PEX1: variants seen among roughly 807,000 people sequenced by gnomAD.
PEX1 encodes peroxisomal biogenesis factor 1, also known as peroxisomal ATPase PEX1.
Under a neutral mutation model 152.5 loss-of-function variants are expected in PEX1, and 97 were observed. The ratio of observed to expected loss-of-function variants is 0.64; its 90% confidence interval spans 0.54 to 0.75. The LOEUF is 0.75. Ranked by LOEUF, PEX1 falls within the 30% of genes least tolerant of loss-of-function variation. PEX1 has a pLI of 0.00. For missense variants in PEX1, 1,357 were observed against 1,516.3 expected (o/e 0.89, Z 1.74); for synonymous variants, 485 against 531.6 (o/e 0.91, Z 1.21).
intron 17 of PEX1, among the ~76,000 whole-genome samples, 171 bp downstream of exon 17, chr7:92,496,542 A>G (rs1357130852): frequency 1.3e-5 from 2 of 152,218 alleles, no homozygotes; most frequent in East Asian, 3.8e-4. Context: ...AATATCTAAA[A>G]TGTTTTGTAT....
chr7:92,527,013 T>C (rs2116289584), intron 1 of PEX1, among the ~76,000 whole-genome samples: 1 of 152,320 alleles, frequency 6.6e-6, no homozygotes, highest in African/African-American at 2.4e-5. Context: ...ACTTATTACA[T>C]TGATAATTAG....
intron 15 of PEX1, among the ~76,000 whole-genome samples, chr7:92,500,888 G>A (rs1394623031): frequency 6.6e-6 from 1 of 152,086 alleles, no homozygotes; most frequent in African/African-American, 2.4e-5. Flanking sequence ...TGACATCCCG[G>A]GTCTGGAAAT....
intron 23 of PEX1, among the ~76,000 whole-genome samples, chr7:92,488,703 CCTT>C (rs1442360176): frequency 1.3e-5 from 2 of 151,598 alleles, no homozygotes; most frequent in African/African-American, 2.4e-5. Context: ...TTTTAATTTT[CCTT>C]CTTATTTCTT....
rs574785174 is a variant in PEX1 at position 92,489,733 on chromosome 7, C to A, written c.3617G>T (p.Arg1206Ile). ...LRADISIIKGRYRSQSGEDES... is the reference protein window; with the variant it reads ...LRADISIIKGIYRSQSGEDES... ...CCATACTCCACTTTGGCTCCGGTAT[C>A]TGCCTTTGATAATACTGATATCTGC... is the stretch of plus-strand genomic sequence containing the variant. The change falls in exon 22 of 24, where the codon AGA becomes ATA. Residue 1206 changes from arginine to isoleucine, a missense_variant. Transcript: ENST00000248633. The A allele has an allele frequency of 1.2e-6, 2 of 1,614,072 alleles. No homozygotes were observed. Among genetic ancestry groups the A allele is most frequent in the East Asian group, 4.5e-5 (2 of 44,882 alleles).
intron 13 of PEX1, 53 bp from the exon 14 acceptor site, chr7:92,502,132 T>G: frequency 8.1e-7 from 1 of 1,236,670 alleles, no homozygotes; most frequent in Non-Finnish European, 1.2e-6. Context: ...ACTGTATATT[T>G]TTGAATGTAT....
At position 92,489,847 on chromosome 7, in the gene PEX1, T is replaced by C. The variant is rs182452430; in HGVS notation, c.3503A>G (p.Asp1168Gly). 649 of 1,614,052 alleles carry C rather than the reference T, an allele frequency of 4.0e-4. 1 individual carries two copies. The highest frequency in any genetic ancestry group is 8.0e-4 in the Admixed American group (48 of 60,004). The change falls in exon 22 of 24, where the codon GAC becomes GGC. Residue 1168 changes from aspartate to glycine, a missense_variant. Coordinates refer to ENST00000248633, the MANE Select transcript of PEX1 (RefSeq NM_000466.3). ...CACTGGAGGCTGTGAAAACAACTGG[T>C]CTTTCCCAGGAACTCCAGGCAAATC... ...TQDLPGVPGK[D>G]QLFSQPPVLR...
intron 2 of PEX1, among the ~76,000 whole-genome samples, chr7:92,520,432 A>C (rs1792999186): frequency 1.3e-5 from 2 of 152,188 alleles, no homozygotes; most frequent in Non-Finnish European, 2.9e-5. Context: ...AAACATGCAT[A>C]AACAAGATTA....
Position 92,517,844 on chromosome 7 carries a change from C to A in PEX1, c.671G>T (p.Gly224Val), listed in dbSNP as rs749874311. ...CTCGTTTTCATTAGATTCAGTGATT[C>A]CCACAGTATTTGACTGAAGTTGCTT... ...QTKQLQSNTV[G>V]ITESNENESE... Residue 224 changes from glycine to valine, a missense_variant, in exon 5 of 24, where the codon GGA becomes GTA. Gly to Val is a moderately radical substitution (Grantham distance 109). Transcript: ENST00000248633. 1.9e-6 allele frequency: 3 copies of A among 1,543,572 alleles called. No individual in the cohort carries two copies. The East Asian group carries it at 6.7e-5, about 35-fold the overall frequency.
Position 92,507,048 on chromosome 7 carries a change from C to T in PEX1, c.1749G>A (p.Leu583=), listed in dbSNP as rs1417139503. The T allele has an allele frequency of 1.1e-5, 18 of 1,613,956 alleles. No individual in the cohort carries two copies. The highest frequency in any genetic ancestry group is 1.5e-5 in the Non-Finnish European group (18 of 1,179,970). Reference sequence around the variant, plus strand: ...TCCTAAGTCCTGCAACAAGAGACATCAGCTGCCGAGACAAAGGGCGTCCCA... The same window carrying T: ...TCCTAAGTCCTGCAACAAGAGACATTAGCTGCCGAGACAAAGGGCGTCCCA... ...SLLGRPLSRQ[L]MSLVAGLRNG... is the part of the protein sequence containing the mutation. The change falls in exon 10 of 24, where the codon CTG becomes CTA. Residue 583 remains leucine, a synonymous_variant. Transcript: ENST00000248633.
In PEX1 at chr7:92,506,233, T is replaced by C. The variant is rs1196284998; in HGVS notation, c.1900+15A>G. 7.3e-7 allele frequency: 1 copy of C among 1,374,466 alleles called. No homozygotes were observed. 85.1% of individuals were successfully genotyped at this position (1,374,466 alleles called of 1,614,324 possible). A position where few individuals can be genotyped will look rare whatever the true frequency, so the allele number is the denominator to read the frequency against. Reference sequence around the variant, plus strand: ...ATGAAAAAGGGATTTATATAGAGTGTTACCATACTCATACCTCGTAAAGCT... The same window carrying C: ...ATGAAAAAGGGATTTATATAGAGTGCTACCATACTCATACCTCGTAAAGCT... On this transcript the variant is annotated intron_variant, in intron 11 of 23. Transcript: ENST00000248633.
chr7:92,519,198 T>TG, intron 2 of PEX1, 120 bp from the exon 3 acceptor site: 1 of 670,782 alleles, frequency 1.5e-6, no homozygotes, highest in Non-Finnish European at 2.7e-6. Context: ...ATGTTTTGGA[T>TG]GGGGGTGTAT....
intron 22 of PEX1, 87 bp downstream of exon 22, chr7:92,489,627 G>T: frequency 8.0e-7 from 1 of 1,246,294 alleles, no homozygotes; most frequent in Middle Eastern, 1.9e-4. Context: ...AATATAGCTC[G>T]TTTATAAGTC....
intron 6 of PEX1, 47 bp from the exon 7 acceptor site, chr7:92,511,750 AACT>A (rs1792479166): frequency 6.4e-7 from 1 of 1,550,650 alleles, no homozygotes; most frequent in African/African-American, 1.4e-5. Context: ...ATCTGAACTT[AACT>A]TTAACACCCT....
chr7:92,491,671 CTA>C, intron 20 of PEX1, 169 bp from the exon 21 acceptor site: 1 of 582,444 alleles, frequency 1.7e-6, no homozygotes, highest in Non-Finnish European at 3.0e-6. Context: ...AAAAATTTAA[CTA>C]TTAAAATTAT....
intron 21 of PEX1, among the ~76,000 whole-genome samples, chr7:92,490,632 C>CAAA (rs35917694): frequency 0.01 from 819 of 79,606 alleles, 14 homozygotes; most frequent in African/African-American, 0.039. Context: ...GAGACTGTCT[C>CAAA]AAAAAAAAAA....
At position 92,493,024 on chromosome 7, in the gene PEX1, C is replaced by A. The variant is rs1001364551; in HGVS notation, c.3136G>T (p.Asp1046Tyr). 6.2e-7 allele frequency: 1 copy of A among 1,613,206 alleles called. No individual in the cohort carries two copies. Among genetic ancestry groups the A allele is most frequent in the African/African-American group, 1.3e-5 (1 of 74,880 alleles). The change falls in exon 20 of 24, where the codon GAT becomes TAT. Residue 1046 changes from aspartate to tyrosine, a missense_variant. Asp to Tyr is a radical substitution (Grantham distance 160). Coordinates refer to ENST00000248633, the MANE Select transcript of PEX1 (RefSeq NM_000466.3). Reference protein sequence around the residue: ...ASVTDSFTGADLKALLYNAQL... With the variant: ...ASVTDSFTGAYLKALLYNAQL... ...GCATTGTAAAGTAAAGCTTTCAGATCAGCTCCAGTAAAGGAGTCAGTTACT... is the reference window on the plus strand; with the variant it reads ...GCATTGTAAAGTAAAGCTTTCAGATAAGCTCCAGTAAAGGAGTCAGTTACT...
chr7:92,509,760 T>TA (rs1192726893), intron 8 of PEX1, among the ~76,000 whole-genome samples: 5 of 152,334 alleles, frequency 3.3e-5, no homozygotes, highest in African/African-American at 4.8e-5. Flanking sequence ...AAACAATGTC[T>TA]AGTTCCAAAA....
intron 5 of PEX1, among the ~76,000 whole-genome samples, chr7:92,515,819 C>A (rs1792711868): frequency 6.6e-6 from 1 of 151,520 alleles, no homozygotes; most frequent in Non-Finnish European, 1.5e-5. Context: ...CATGGTGAAA[C>A]CTCGTCCCTA....
In PEX1 at chr7:92,502,050, T is replaced by C; in HGVS notation, c.2256A>G (p.Val752=). ...TATCACAGTCCAATTTATTTTTTAT[T>C]ACATTACACAGAATTTCACATCTTT... ...QEQRCEILCN[V]IKNKLDCDIN... Residue 752 remains valine, a synonymous_variant, in exon 14 of 24, where the codon GTA becomes GTG. Transcript: ENST00000248633. 1.9e-6 allele frequency: 3 copies of C among 1,611,080 alleles called. No individual in the cohort carries two copies. Among genetic ancestry groups the C allele is most frequent in the Non-Finnish European group, 2.5e-6 (3 of 1,177,510 alleles).
Sources: gnomAD v4.1 joint callset for allele counts (sites outside exome capture counted in the v4.1 genomes callset) on GRCh38, gnomAD v4.1.1 for gene constraint, MANE v1.5 for transcripts, NCBI Gene and HGNC (gene_info 2026-07-23, HGNC 2026-07-21) for gene names.